CASD1: variants seen among roughly 807,000 people sequenced by gnomAD.
CASD1 encodes the protein N-acetylneuraminate (7)9-O-acetyltransferase.
A neutral mutation model predicts 100.0 loss-of-function variants in CASD1; 41 were observed. The observed-to-expected ratio is 0.41, with a 90% CI of 0.32 to 0.53. The LOEUF (loss-of-function observed/expected upper bound fraction) is 0.53. CASD1 is among the 20% of genes least tolerant of loss of function. The pLI, the probability that CASD1 is intolerant of heterozygous loss-of-function variation, is 0.25. For missense variants in CASD1, 774 were observed against 948.7 expected (o/e 0.82, Z 2.42); for synonymous variants, 321 against 315.6 (o/e 1.02, Z -0.18).
chr7:94,632,300 A>T, the CASD1 span, among the ~76,000 whole-genome samples: 4 of 151,956 alleles, frequency 2.6e-5, no homozygotes, highest in East Asian at 7.7e-4. Flanking sequence ...GGTACCTGCC[A>T]CTCCATATCA....
chr7:94,561,638 T>C (rs1218761197), downstream of CASD1, among the ~76,000 whole-genome samples: 1 of 152,090 alleles, frequency 6.6e-6, no homozygotes, highest in South Asian at 2.1e-4. Flanking sequence ...GGTCAAACTC[T>C]AGAGTATTCT....
In CASD1 at chr7:94,528,220, T is replaced by C. The variant is rs1435410152; in HGVS notation, c.429T>C (p.Ser143=). ...DFLWHPEVNG[S]MKQCIKVWTE... ...TGTGGCATCCTGAAGTTAATGGTTC[T>C]ATGAAACAGTGTATCAAAGTGTGGA... Residue 143 remains serine, a synonymous_variant, in exon 5 of 18, where the codon TCT becomes TCC. Transcript: ENST00000297273. 3 of 1,609,856 alleles carry C rather than the reference T, an allele frequency of 1.9e-6. No homozygotes were observed. Among genetic ancestry groups the C allele is most frequent in the South Asian group, 1.1e-5 (1 of 90,202 alleles).
the CASD1 span, chr7:94,589,249 A>G: frequency 6.1e-6 from 1 of 164,774 alleles, no homozygotes; most frequent in African/African-American, 2.4e-5. Context: ...GGCGGAATGC[A>G]GAAGTCATCC....
intron 14 of CASD1, 70 bp from the exon 15 acceptor site, chr7:94,551,268 C>A: frequency 7.7e-7 from 1 of 1,292,708 alleles, no homozygotes; most frequent in Non-Finnish European, 1.1e-6. Context: ...ATATTCCTCA[C>A]TAACCAAATA....
intron 3 of CASD1, among the ~76,000 whole-genome samples, chr7:94,520,746 A>G (rs1244154393): frequency 6.6e-6 from 1 of 152,148 alleles, no homozygotes; most frequent in African/African-American, 2.4e-5. Flanking sequence ...TCACGAGGTC[A>G]AGAGACGGAG....
the CASD1 span, among the ~76,000 whole-genome samples, chr7:94,593,179 A>G: frequency 1.3e-5 from 2 of 152,158 alleles, no homozygotes; most frequent in Non-Finnish European, 2.9e-5. Context: ...TTCAATTAGA[A>G]GACTTAATTC....
downstream of CASD1, among the ~76,000 whole-genome samples, chr7:94,557,702 T>C (rs902981645): frequency 1.6e-4 from 25 of 152,114 alleles, no homozygotes; most frequent in Non-Finnish European, 3.7e-4. Flanking sequence ...TGAGCCCTGT[T>C]TCTTCATCAC....
the CASD1 span, chr7:94,589,054 T>C: frequency 2.7e-6 from 1 of 367,148 alleles, no homozygotes; most frequent in Non-Finnish European, 5.2e-6. Flanking sequence ...CAGGGCCACA[T>C]AGCTAGGACA....
the CASD1 span, among the ~76,000 whole-genome samples, chr7:94,570,788 C>G: frequency 6.6e-6 from 1 of 152,110 alleles, no homozygotes; most frequent in Admixed American, 6.5e-5. Context: ...AGTCACATGT[C>G]CAGCCCATGG....
chr7:94,554,540 T>C lies in CASD1; in HGVS notation c.2092T>C (p.Ser698Pro). 1 of 1,612,386 alleles carries C rather than the reference T, an allele frequency of 6.2e-7. No individual in the cohort carries two copies. The highest frequency in any genetic ancestry group is 8.5e-7 in the Non-Finnish European group (1 of 1,178,932). ...IPGYARSVYS[S>P]FFAWFGKISL... ...TGGATATGCCCGTTCAGTTTACAGT[T>C]CATTTTTTGCTTGGTTTGGAAAAAT... Residue 698 changes from serine (S) to proline (P), a missense_variant, in exon 17 of 18, where the codon TCA (serine) becomes CCA (proline). This residue lies in a region of CASD1 where 175 missense variants were observed against 206.9 expected (regional missense o/e 0.85). Transcript: ENST00000297273.
intron 10 of CASD1, 96 bp downstream of exon 10, chr7:94,539,152 AC>A (rs1310744335): frequency 8.0e-6 from 5 of 623,624 alleles, no homozygotes; most frequent in African/African-American, 7.6e-5. Context: ...TATAATCTCT[AC>A]CAGTTATAGA....
At position 94,517,556 on chromosome 7, in the gene CASD1, T is replaced by C. The variant is rs1794040929; in HGVS notation, c.134-4T>C. The stretch of plus-strand genomic sequence containing the variant: ...TACAACACTGTTGTGTTTAACTGTT[T>C]TAGGCAATGATTCGTGTGAATACCT... On this transcript the variant is annotated splice_polypyrimidine_tract_variant and splice_region_variant and intron_variant, in intron 1 of 17. Transcript: ENST00000297273. 2.5e-6 allele frequency: 4 copies of C among 1,597,946 alleles called. No individual in the cohort carries two copies. Among genetic ancestry groups the C allele is most frequent in the Non-Finnish European group, 2.6e-6 (3 of 1,167,870 alleles).
At chr7:94,592,380 G>A in the CASD1 span, among the ~76,000 whole-genome samples, 3 of 152,222 alleles carry the variant, frequency 2.0e-5, no homozygotes, top group East Asian at 3.9e-4. Context: ...ATACAGGAGC[G>A]GGGGGTCGAC....
chr7:94,617,396 T>C, the CASD1 span: 1 of 152,340 alleles, frequency 6.6e-6, no homozygotes, highest in South Asian at 2.1e-4. Context: ...CTTGTTTTTG[T>C]GCTGTTTCCT....
chr7:94,596,942 G>A, the CASD1 span, among the ~76,000 whole-genome samples: 2 of 152,012 alleles, frequency 1.3e-5, no homozygotes, highest in African/African-American at 4.8e-5. Flanking sequence ...GAAAATGAAT[G>A]ATAAAGCCAT....
At position 94,533,721 on chromosome 7, in the gene CASD1, C is replaced by G. The variant is rs1258262866; in HGVS notation, c.547C>G (p.Gln183Glu). ...CAATGGTAGCAGTGAAGCGCTTTCT[C>G]AATATAAAATGAACATCACCTCCAT... ...IHNGSSEALS[Q>E]YKMNITSIAP... is the part of the protein sequence containing the mutation. The change falls in exon 7 of 18, where the codon CAA becomes GAA. Residue 183 changes from glutamine (Q) to glutamate (E), a missense_variant. Transcript: ENST00000297273. The G allele has an allele frequency of 1.2e-6, 2 of 1,605,796 alleles. No homozygotes were observed. The highest frequency in any genetic ancestry group is 3.4e-5 in the Admixed American group (2 of 58,508).
At chr7:94,534,089 A>AT (rs970295273) in intron 7 of CASD1, among the ~76,000 whole-genome samples, 2 of 150,534 alleles carry the variant, frequency 1.3e-5, no homozygotes, top group South Asian at 2.1e-4. Context: ...GGTATCCCTG[A>AT]TTTTTTTTTC....
intron 4 of CASD1, among the ~76,000 whole-genome samples, chr7:94,527,617 A>G (rs1794640089): frequency 6.6e-6 from 1 of 152,194 alleles, no homozygotes; most frequent in South Asian, 2.1e-4. Context: ...AGAGCAAGGA[A>G]TTGAAAGTCA....
chr7:94,552,396 A>G lies in CASD1; in HGVS notation c.2003A>G (p.Asn668Ser), dbSNP rs377352479. ...AGTTGTAAAAACAAAGCAGAGTGCA[A>G]TGAACTCCATCCGTCTGTTTCTGTG... is the stretch of plus-strand genomic sequence containing the variant. ...ASSCKNKAEC[N>S]ELHPSVSVVQ... Residue 668 changes from asparagine to serine, a missense_variant, in exon 16 of 18, where the codon AAT becomes AGT. Asn to Ser is a conservative substitution (Grantham distance 46, BLOSUM62 1). Coordinates refer to ENST00000297273, the MANE Select transcript of CASD1 (RefSeq NM_022900.5). 3.2e-5 allele frequency: 52 copies of G among 1,610,808 alleles called. No individual in the cohort carries two copies. The highest frequency in any genetic ancestry group is 3.0e-5 in the Non-Finnish European group (35 of 1,178,906).
Sources: gnomAD v4.1 joint callset for allele counts (sites outside exome capture counted in the v4.1 genomes callset) on GRCh38, gnomAD v4.1.1 for gene constraint, gnomAD v4.1.1 regional missense constraint, MANE v1.5 for transcripts, NCBI Gene and HGNC (gene_info 2026-07-23, HGNC 2026-07-21) for gene names.